The following CACNA1G variants were observed in gnomAD, a reference collection of about 807,000 sequenced individuals.
CACNA1G encodes the protein voltage-dependent T-type calcium channel subunit alpha-1G.
A neutral mutation model predicts 219.4 loss-of-function variants in CACNA1G; 67 were observed. The ratio of observed to expected loss-of-function variants is 0.31; its 90% CI spans 0.25 to 0.37. The LOEUF is 0.37. CACNA1G is among the 10% of genes least tolerant of loss of function. CACNA1G has a pLI of 1.00. For missense variants in CACNA1G, 2,380 were observed against 3,231.4 expected, an observed-to-expected ratio of 0.74 and a Z score of 6.39; for synonymous variants, 1,296 against 1,345.3, an observed-to-expected ratio of 0.96 and a Z score of 0.80.
chr17:50,609,818 C>T (rs2048801905), intron 25 of CACNA1G, 64 bp from the exon 26 acceptor site: 2 of 1,506,788 alleles, frequency 1.3e-6, no homozygotes, highest in Non-Finnish European at 1.8e-6. Flanking sequence ...GAAGCCGCCC[C>T]TGAGGGGCCC....
chr17:50,613,234 G>C (rs1024352385), intron 26 of CACNA1G, among the ~76,000 whole-genome samples: 1 of 152,204 alleles, frequency 6.6e-6, no homozygotes, highest in Admixed American at 6.5e-5. Context: ...AAACAAAGGG[G>C]TTGCCCGAGG....
chr17:50,608,106 G>A, intron 25 of CACNA1G, 87 bp downstream of exon 25: 1 of 1,263,840 alleles, frequency 7.9e-7, no homozygotes, highest in Non-Finnish European at 1.1e-6. Context: ...CAGGGGGCTG[G>A]GCGCTGGGGC....
chr17:50,562,955 G>A (rs905379846), intron 1 of CACNA1G, among the ~76,000 whole-genome samples: 1 of 152,194 alleles, frequency 6.6e-6, no homozygotes, highest in African/African-American at 2.4e-5. Flanking sequence ...GTGGAGGGGA[G>A]GTGTTGCTGC....
At position 50,596,549 on chromosome 17, in the gene CACNA1G, TC is replaced by T. The variant is rs774739405; in HGVS notation, c.2980-9del. On this transcript the variant is annotated splice_polypyrimidine_tract_variant and intron_variant, in intron 14 of 37. Coordinates refer to ENST00000359106, the MANE Select transcript of CACNA1G (RefSeq NM_018896.5). This position sits in a 1 kb window ranked among gnomAD's most constrained non-coding sequence, Gnocchi z 4.8. ...GGCCGGATCCCTAATGGTCCGCTGC[TC>T]CCCTGCCCTAGGGAGATGCCAACAA... The T allele has an allele frequency of 1.3e-5, 21 of 1,612,798 alleles. No individual in the cohort carries two copies. In the East Asian group the frequency reaches 4.5e-4, roughly 34 times the overall value.
Position 50,596,663 on chromosome 17 carries a change from G to C in CACNA1G, c.3064+17G>C, listed in dbSNP as rs371248689. ...GCTTGGCCTGTGAGTACCTATCCTGGGGTGCGACTTTTGGCCCTGGGCCAG... is the reference window on the plus strand; with the variant it reads ...GCTTGGCCTGTGAGTACCTATCCTGCGGTGCGACTTTTGGCCCTGGGCCAG... On this transcript the variant is annotated intron_variant, in intron 15 of 37. Transcript: ENST00000359106. This position sits in a 1 kb window ranked among gnomAD's most constrained non-coding sequence, Gnocchi z 4.8. 2 of 1,613,810 alleles carry C rather than the reference G, an allele frequency of 1.2e-6. No individual in the cohort carries two copies. The highest frequency in any genetic ancestry group is 1.7e-6 in the Non-Finnish European group (2 of 1,179,754).
chr17:50,568,519 G>A (rs542273380), intron 1 of CACNA1G, among the ~76,000 whole-genome samples: 1 of 152,326 alleles, frequency 6.6e-6, no homozygotes, highest in East Asian at 1.9e-4. Flanking sequence ...TGTGAGGTAG[G>A]GAGAATAGGA....
rs1220138318 is a variant in CACNA1G at position 50,600,474 on chromosome 17, G to A, written c.3691-252G>A. On this transcript the variant is annotated intron_variant, in intron 17 of 37. Coordinates refer to ENST00000359106, the MANE Select transcript of CACNA1G (RefSeq NM_018896.5). This position sits in a 1 kb window ranked among gnomAD's most constrained non-coding sequence, Gnocchi z 4.1. ...CAGGGGTGGGGAGAGGGGAGAGCGG[G>A]GTTGGGGATGCAGGGGAGGAGAGGG... Among the ~76,000 whole-genome samples, 4 of 151,976 alleles carry A rather than the reference G, an allele frequency of 2.6e-5. No individual in the cohort carries two copies. Among genetic ancestry groups the A allele is most frequent in the Non-Finnish European group, 5.9e-5 (4 of 68,004 alleles).
chr17:50,605,992 G>A lies in CACNA1G; in HGVS notation c.4391G>A (p.Arg1464Gln), dbSNP rs758126543. Reference sequence around the variant, plus strand: ...GCCGAGGCCAGTTACCGGTGGGTCCGGCACAAGTACAACTTTGACAACCTT... The same window carrying A: ...GCCGAGGCCAGTTACCGGTGGGTCCAGCACAAGTACAACTTTGACAACCTT... ...DCAEASYRWVRHKYNFDNLGQ... is the reference protein window; with the variant it reads ...DCAEASYRWVQHKYNFDNLGQ... The change falls in exon 23 of 38, where the codon CGG becomes CAG. Residue 1464 changes from arginine (R) to glutamine (Q), a missense_variant. Arg to Gln is a conservative substitution (Grantham distance 43, BLOSUM62 1). This residue lies in a region of CACNA1G where 153 missense variants were observed against 374.9 expected (regional missense o/e 0.41). Coordinates refer to ENST00000359106, the MANE Select transcript of CACNA1G (RefSeq NM_018896.5). 1.2e-6 allele frequency: 2 copies of A among 1,613,816 alleles called. No homozygotes were observed. Among genetic ancestry groups the A allele is most frequent in the South Asian group, 1.1e-5 (1 of 91,082 alleles).
intron 1 of CACNA1G, among the ~76,000 whole-genome samples, chr17:50,565,130 C>A (rs1054099180): frequency 7.8e-6 from 1 of 128,788 alleles, no homozygotes; most frequent in Non-Finnish European, 1.6e-5. Context: ...CGCACGCGCG[C>A]GCACACACAC....
intron 27 of CACNA1G, among the ~76,000 whole-genome samples, 171 bp from the exon 28 acceptor site, chr17:50,616,104 C>G (rs554387423): frequency 1.3e-5 from 2 of 152,332 alleles, no homozygotes; most frequent in South Asian, 4.1e-4. Context: ...GTGCCCTACT[C>G]CCTTCTGGGG....
intron 9 of CACNA1G, 56 bp from the exon 10 acceptor site, chr17:50,590,415 T>G (rs2044041517): frequency 1.3e-6 from 2 of 1,597,334 alleles, no homozygotes; most frequent in African/African-American, 2.7e-5. Context: ...TTTGGAGGAC[T>G]GGATCGAGGG....
chr17:50,615,794 G>A lies in CACNA1G; in HGVS notation c.4911+282G>A, dbSNP rs11079919. Among the ~76,000 whole-genome samples the A allele has an allele frequency of 0.26, 39,603 of 152,184 alleles. 7,120 individuals are homozygous for A. The highest frequency in any genetic ancestry group is 0.83 in the East Asian group (4,286 of 5,166). On this transcript the variant is annotated intron_variant, in intron 27 of 37. Transcript: ENST00000359106. The stretch of plus-strand genomic sequence containing the variant: ...ATGTTGAGCGTCTACTATGAGCTGC[G>A]CTCTGGATCTTTGAGGGTAAAAAGG...
Position 50,576,037 on chromosome 17 carries a change from C to A in CACNA1G, c.1635C>A (p.Ala545=), listed in dbSNP as rs370928124. 3 of 1,571,696 alleles carry A rather than the reference C, an allele frequency of 1.9e-6. No homozygotes were observed. The highest frequency in any genetic ancestry group is 1.7e-4 in the Middle Eastern group (1 of 6,040). Residue 545 remains alanine (A), a synonymous_variant, in exon 8 of 38, where the codon GCC becomes GCA. Transcript: ENST00000359106. ...CCTCGACGCCTGCCCTCTCCGGGGCCCCCCCTGGTGGCGCAGAGTCTGTGC... is the reference window on the plus strand; with the variant it reads ...CCTCGACGCCTGCCCTCTCCGGGGCACCCCCTGGTGGCGCAGAGTCTGTGC... ...PPPSTPALSG[A]PPGGAESVHS...
At chr17:50,564,650 C>T (rs142233067) in intron 1 of CACNA1G, among the ~76,000 whole-genome samples, 64 of 152,154 alleles carry the variant, frequency 4.2e-4, no homozygotes, top group African/African-American at 1.4e-3. Context: ...CTGGAGCCTT[C>T]CTTGCCACAC....
intron 13 of CACNA1G, among the ~76,000 whole-genome samples, chr17:50,592,332 G>A (rs2044500401): frequency 1.3e-5 from 2 of 152,210 alleles, no homozygotes; most frequent in African/African-American, 4.8e-5. Context: ...TAGCTACCGA[G>A]TAGACATCCC....
intron 23 of CACNA1G, 48 bp downstream of exon 23, chr17:50,606,071 G>A (rs1206620528): frequency 8.1e-6 from 13 of 1,613,224 alleles, no homozygotes; most frequent in Non-Finnish European, 1.1e-5. Flanking sequence ...AGGCTGGAGG[G>A]GGCACAGGGC....
At chr17:50,564,068 G>A (rs549812915) in intron 1 of CACNA1G, among the ~76,000 whole-genome samples, 33 of 151,438 alleles carry the variant, frequency 2.2e-4, no homozygotes, top group African/African-American at 7.6e-4. Flanking sequence ...CTGCTTCTTG[G>A]CCTCTCCTTT....
Position 50,561,675 on chromosome 17 carries a change from C to G in CACNA1G, c.216C>G (p.Ser72Arg). ...TGAGCCAGGACAGCCGCCCGCGGAG[C>G]TGGTGTCTCCGCACGGTCTGTAACC... ...FYLSQDSRPR[S>R]WCLRTVCNPW... is the part of the protein sequence containing the mutation. Residue 72 changes from serine to arginine, a missense_variant, in exon 1 of 38, where the codon AGC becomes AGG. By Grantham distance (110) the Ser-to-Arg change is moderately radical. Around this residue, in one of 17 missense-constraint regions of CACNA1G, gnomAD observed 64 missense variants for 103.7 expected, o/e 0.62. Coordinates refer to ENST00000359106, the MANE Select transcript of CACNA1G (RefSeq NM_018896.5). 1.2e-6 allele frequency: 2 copies of G among 1,604,590 alleles called. No homozygotes were observed. The highest frequency in any genetic ancestry group is 1.7e-6 in the Non-Finnish European group (2 of 1,175,608).
At chr17:50,624,251 T>C in intron 36 of CACNA1G, 109 bp from the exon 37 acceptor site, 1 of 1,262,554 alleles carries the variant, frequency 7.9e-7, no homozygotes, top group Non-Finnish European at 1.1e-6. Context: ...GTAGAGGCCC[T>C]GATGAGGGGG....
Sources: gnomAD v4.1 joint callset for allele counts (sites outside exome capture counted in the v4.1 genomes callset) on GRCh38, gnomAD v4.1.1 for gene constraint, gnomAD v4.1.1 regional missense constraint, Gnocchi (gnomAD v3.1) non-coding constraint, MANE v1.5 for transcripts, NCBI Gene and HGNC (gene_info 2026-07-23, HGNC 2026-07-21) for gene names.